The following H3C6 variants were observed in gnomAD, a reference collection of about 807,000 sequenced individuals.
H3C6 encodes H3 clustered histone 6.
A neutral mutation model predicts 8.0 loss-of-function variants in H3C6; 17 were observed. That is an observed-to-expected ratio of 2.13 (90% CI 1.46 to 3.19). The LOEUF is 3.19. Ranked by LOEUF, H3C6 falls within the 30% of genes most tolerant of loss-of-function variation. H3C6 has a pLI of 0.00. For missense variants in H3C6, 298 were observed against 193.8 expected, an observed-to-expected ratio of 1.54 and a Z score of -3.19; for synonymous variants, 169 against 78.0, an observed-to-expected ratio of 2.17 and a Z score of -6.15.
At position 26,225,424 on chromosome 6, in the gene H3C6, G is replaced by C; in HGVS notation, c.270G>C (p.Val90=). 1 of 1,614,268 alleles carries C rather than the reference G, an allele frequency of 6.2e-7. No homozygotes were observed. Among genetic ancestry groups the C allele is most frequent in the Non-Finnish European group, 8.5e-7 (1 of 1,180,042 alleles). ...ACCTGCGCTTCCAGAGTTCCGCGGT[G>C]ATGGCGCTGCAGGAGGCCTGCGAGG... The part of the protein sequence containing the change: ...KTDLRFQSSA[V]MALQEACEAY... The change falls in exon 1 of 1, where the codon GTG becomes GTC. Residue 90 remains valine (V), a synonymous_variant. Coordinates refer to ENST00000614911, the MANE Select transcript of H3C6 (RefSeq NM_003532.3).
chr6:26,225,248 G>T lies in H3C6; in HGVS notation c.94G>T (p.Ala32Ser). 1.2e-6 allele frequency: 2 copies of T among 1,613,608 alleles called. No homozygotes were observed. Among genetic ancestry groups the T allele is most frequent in the Non-Finnish European group, 1.7e-6 (2 of 1,179,704 alleles). ...ATKAARKSAP[A>S]TGGVKKPHRY... is the part of the protein sequence containing the mutation. ...TAAGGCAGCTCGCAAGAGCGCTCCG[G>T]CCACGGGCGGCGTGAAGAAGCCCCA... Residue 32 changes from alanine (A) to serine (S), a missense_variant, in exon 1 of 1, where the codon GCC becomes TCC. By Grantham distance (99) the Ala-to-Ser change is moderately conservative. Transcript: ENST00000614911.
chr6:26,224,722 G>A (rs1306732569), upstream of H3C6, among the ~76,000 whole-genome samples: 1 of 152,154 alleles, frequency 6.6e-6, no homozygotes, highest in Non-Finnish European at 1.5e-5. Flanking sequence ...AGATACTTAG[G>A]CAACGGATTT....
chr6:26,225,352 G>T lies in H3C6; in HGVS notation c.198G>T (p.Leu66=). The T allele has an allele frequency of 1.9e-6, 3 of 1,614,250 alleles. No individual in the cohort carries two copies. The highest frequency in any genetic ancestry group is 2.5e-6 in the Non-Finnish European group (3 of 1,180,040). The change falls in exon 1 of 1, where the codon CTG becomes CTT. Residue 66 remains leucine (L), a synonymous_variant. Transcript: ENST00000614911. ...QKSTELLIRK[L]PFQRLVREIA... ...CTACCGAGCTTCTAATCCGGAAGCT[G>T]CCGTTTCAGCGCCTGGTGCGAGAAA...
upstream of H3C6, chr6:26,224,264 A>C (rs961513141): frequency 6.6e-6 from 1 of 152,206 alleles, no homozygotes; most frequent in Non-Finnish European, 1.5e-5. Context: ...GGAGCTGTTG[A>C]GTGTGGAAGC....
chr6:26,227,117 T>C (rs185033639), downstream of H3C6: 9 of 152,350 alleles, frequency 5.9e-5, no homozygotes, highest in African/African-American at 2.2e-4. Flanking sequence ...GTGGGTCTTG[T>C]GAATTGGAGA....
downstream of H3C6, chr6:26,225,884 G>C (rs1185233281): frequency 8.0e-6 from 2 of 250,754 alleles, no homozygotes; most frequent in African/African-American, 4.6e-5. Context: ...CCACTTAATT[G>C]TACCCTGCTT....
At position 26,225,448 on chromosome 6, in the gene H3C6, G is replaced by A. The variant is rs1759510545; in HGVS notation, c.294G>A (p.Glu98=). 1.2e-6 allele frequency: 2 copies of A among 1,614,256 alleles called. No homozygotes were observed. The highest frequency in any genetic ancestry group is 1.3e-5 in the African/African-American group (1 of 75,064). ...TGATGGCGCTGCAGGAGGCCTGCGA[G>A]GCCTACTTGGTGGGGCTTTTCGAGG... ...SAVMALQEAC[E]AYLVGLFEDT... is the part of the protein sequence containing the mutation. Residue 98 remains glutamate (E), a synonymous_variant, in exon 1 of 1, where the codon GAG becomes GAA. Transcript: ENST00000614911.
upstream of H3C6, chr6:26,224,295 C>T (rs919354046): frequency 6.6e-6 from 1 of 152,062 alleles, no homozygotes; most frequent in African/African-American, 2.4e-5. Flanking sequence ...TTAAGAAGTC[C>T]TGTTATTTGG....
In H3C6 at chr6:26,225,584, C is replaced by G; in HGVS notation, c.*19C>G. 1.9e-6 allele frequency: 3 copies of G among 1,601,984 alleles called. No homozygotes were observed. Among genetic ancestry groups the G allele is most frequent in the Middle Eastern group, 3.3e-4 (2 of 5,984 alleles). The stretch of plus-strand genomic sequence containing the variant: ...GGCGTGAATTGTTTTGAGTACAAAC[C>G]TTAAATCCAAAGGCTCTTCTCAGAG... On this transcript the variant is annotated 3_prime_UTR_variant, in exon 1 of 1. Transcript: ENST00000614911.
upstream of H3C6, among the ~76,000 whole-genome samples, chr6:26,224,642 A>G (rs367715513): frequency 1.3e-5 from 2 of 152,230 alleles, no homozygotes; most frequent in African/African-American, 2.4e-5. Flanking sequence ...TATGCTTAAC[A>G]GTGTATCTTA....
rs775491644 is a variant in H3C6, at chr6:26,225,431, C to A, written c.277C>A (p.Leu93Met). The A allele has an allele frequency of 6.2e-7, 1 of 1,614,254 alleles. No individual in the cohort carries two copies. ...LRFQSSAVMA[L>M]QEACEAYLVG... The stretch of plus-strand genomic sequence containing the variant: ...CTTCCAGAGTTCCGCGGTGATGGCG[C>A]TGCAGGAGGCCTGCGAGGCCTACTT... Residue 93 changes from leucine to methionine, a missense_variant, in exon 1 of 1, where the codon CTG becomes ATG. By Grantham distance (15) the Leu-to-Met change is conservative. Coordinates refer to ENST00000614911, the MANE Select transcript of H3C6 (RefSeq NM_003532.3).
chr6:26,227,337 T>C (rs1333405495), downstream of H3C6: 22 of 152,304 alleles, frequency 1.4e-4, no homozygotes, highest in Non-Finnish European at 7.3e-5. Context: ...ACGTGAGGAC[T>C]TGGACTTGGT....
At chr6:26,226,396 ATTT>A (rs1759559909), downstream of H3C6, 3 of 125,222 alleles carry the variant, frequency 2.4e-5, no homozygotes, top group African/African-American at 1.0e-4. Flanking sequence ...TTATTTATTT[ATTT>A]ATTTATTTTG....
rs546137162 is a variant in H3C6 at position 26,225,603 on chromosome 6, C to T, written c.*38C>T. 1.1e-5 allele frequency: 18 copies of T among 1,581,806 alleles called. No homozygotes were observed. The highest frequency in any genetic ancestry group is 1.7e-4 in the Middle Eastern group (1 of 5,904). ...ACAAACCTTAAATCCAAAGGCTCTT[C>T]TCAGAGCCAACCACTTTGTCCGTGA... On this transcript the variant is annotated 3_prime_UTR_variant, in exon 1 of 1. Coordinates refer to ENST00000614911, the MANE Select transcript of H3C6 (RefSeq NM_003532.3).
upstream of H3C6, chr6:26,224,946 G>A (rs988990581): frequency 6.2e-6 from 3 of 485,294 alleles, no homozygotes; most frequent in Non-Finnish European, 1.1e-5. Context: ...AACGGAAAAC[G>A]ACTTGTTTGA....
downstream of H3C6, chr6:26,226,361 CTTATTTATTTATTTATTTATTTAT>C (rs70977262): frequency 0.1 from 15,113 of 146,602 alleles, 839 homozygotes; most frequent in Middle Eastern, 0.15. Flanking sequence ...TTTTTCTTTT[CTTATTTATTTATTTATTTATTTAT>C]TTATTTATTT....
rs1193935238 is a variant in H3C6, at chr6:26,225,581, AACCTTAAATCC to A, written c.*18_*28del. The A allele has an allele frequency of 3.1e-6, 5 of 1,605,636 alleles. No individual in the cohort carries two copies. The highest frequency in any genetic ancestry group is 4.3e-6 in the Non-Finnish European group (5 of 1,175,926). ...GAGGGCGTGAATTGTTTTGAGTACA[AACCTTAAATCC>A]AAAGGCTCTTCTCAGAGCCAACCAC... On this transcript the variant is annotated 3_prime_UTR_variant, in exon 1 of 1. Coordinates refer to ENST00000614911, the MANE Select transcript of H3C6 (RefSeq NM_003532.3).
downstream of H3C6, chr6:26,227,020 C>T (rs1759587413): frequency 6.6e-6 from 1 of 152,148 alleles, no homozygotes; most frequent in Non-Finnish European, 1.5e-5. Flanking sequence ...CTGTAAATAG[C>T]TCTGCAGGCC....
rs911990384 is a variant in H3C6, at chr6:26,225,560, G to A, written c.406G>A (p.Ala136Thr). ...QLARRIRGERA is the reference protein window; with the variant it reads ...QLARRIRGERT ...TGCCCGCCGCATTCGTGGGGAGAGG[G>A]CGTGAATTGTTTTGAGTACAAACCT... Residue 136 changes from alanine to threonine, a missense_variant, in exon 1 of 1, where the codon GCG becomes ACG. Transcript: ENST00000614911. 6.2e-7 allele frequency: 1 copy of A among 1,612,694 alleles called. No homozygotes were observed. The highest frequency in any genetic ancestry group is 1.7e-4 in the Middle Eastern group (1 of 6,046).
Sources: allele counts gnomAD v4.1 joint callset (sites outside exome capture counted in the v4.1 genomes callset), GRCh38; gene constraint gnomAD v4.1.1; transcripts MANE v1.5; gene names NCBI Gene and HGNC (gene_info 2026-07-23, HGNC 2026-07-21).